Variants in MAST2 observed in about 807,000 individuals in gnomAD.
MAST2 encodes the protein microtubule-associated serine/threonine-protein kinase 2.
In MAST2, 70 loss-of-function variants were observed where a neutral mutation model predicts 147.4. The observed-to-expected ratio is 0.47, with a 90% CI of 0.39 to 0.58. The LOEUF (loss-of-function observed/expected upper bound fraction) is 0.58. Ranked by LOEUF, MAST2 falls within the 20% of genes least tolerant of loss-of-function variation. MAST2 has a pLI of 0.00. For missense variants in MAST2, 2,080 were observed against 2,302.3 expected (o/e 0.90, Z 1.98); for synonymous variants, 869 against 896.8 (o/e 0.97, Z 0.55).
At chr1:45,917,414 C>A in intron 4 of MAST2, 2 of 1,366,596 alleles carry the variant, frequency 1.5e-6, no homozygotes, top group Non-Finnish European at 2.0e-6. Context: ...CCCTCTTCCT[C>A]ACTAAAGTCC....
intron 7 of MAST2, 60 bp from the exon 8 acceptor site, chr1:46,006,181 C>T (rs1645478634): frequency 6.7e-7 from 1 of 1,492,710 alleles, no homozygotes; most frequent in East Asian, 2.3e-5. Flanking sequence ...AGTCCTTCCC[C>T]ATTCTTGGAC....
intron 1 of MAST2, among the ~76,000 whole-genome samples, chr1:45,822,679 C>T (rs1006914845): frequency 2.0e-5 from 3 of 151,774 alleles, no homozygotes; most frequent in Admixed American, 6.6e-5. Flanking sequence ...AGGATATCCA[C>T]TTTAGCTTGA....
chr1:45,961,478 A>G (rs1254628095), intron 5 of MAST2, among the ~76,000 whole-genome samples: 2 of 152,224 alleles, frequency 1.3e-5, no homozygotes, highest in African/African-American at 4.8e-5. Flanking sequence ...ATTTAGAACT[A>G]AATCTTCCTA....
chr1:45,939,979 G>GTTTTTTTTTT (rs148351945), intron 4 of MAST2, among the ~76,000 whole-genome samples: 1 of 28,650 alleles, frequency 3.5e-5, no homozygotes, highest in Non-Finnish European at 5.7e-5. Context: ...ATTTATTTAG[G>GTTTTTTTTTT]GTTTTTTTTT....
Position 45,933,063 on chromosome 1 carries a change from TAAAAAA to T in MAST2, c.501-26303_501-26298del, listed in dbSNP as rs61544126. Among the ~76,000 whole-genome samples the T allele has an allele frequency of 4.7e-3, 417 of 88,262 alleles. 1 individual carries two copies. The highest frequency in any genetic ancestry group is 0.018 in the African/African-American group (397 of 21,958). The allele number at this position is 88,262 out of a possible 152,430, so 57.9% of individuals were successfully genotyped here. ...GCAACTTAGTGAGACCCCATTTCTTTAAAAAAAAAAAAAAAAAAAAAAAAAGGCCAA... is the reference window on the plus strand; with the variant it reads ...GCAACTTAGTGAGACCCCATTTCTTTAAAAAAAAAAAAAAAAAAAGGCCAA... On this transcript the variant is annotated intron_variant, in intron 4 of 28. Coordinates refer to ENST00000361297, the MANE Select transcript of MAST2 (RefSeq NM_015112.3).
At chr1:45,990,585 A>C (rs1169945695) in intron 5 of MAST2, among the ~76,000 whole-genome samples, 1 of 152,050 alleles carries the variant, frequency 6.6e-6, no homozygotes, top group Admixed American at 6.6e-5. Context: ...CCCAAGCTCA[A>C]ATGATCCTCC....
chr1:45,883,912 G>GCCCCCCCCCCC (rs369757720), intron 4 of MAST2, among the ~76,000 whole-genome samples: 2 of 2,504 alleles, frequency 8.0e-4, no homozygotes, highest in East Asian at 0.01. Flanking sequence ...TACTATTTCT[G>GCCCCCCCCCCC]CCCCCCCCGC....
chr1:45,992,697 A>C (rs1644898355), intron 5 of MAST2, among the ~76,000 whole-genome samples: 1 of 152,130 alleles, frequency 6.6e-6, no homozygotes, highest in Admixed American at 6.5e-5. Context: ...CTATTGACTC[A>C]GTTTCTTTAA....
chr1:45,842,947 A>G (rs1025835528), intron 3 of MAST2, among the ~76,000 whole-genome samples: 1 of 152,200 alleles, frequency 6.6e-6, no homozygotes, highest in African/African-American at 2.4e-5. Flanking sequence ...AACTTGTTAT[A>G]TTCCATTTAA....
intron 3 of MAST2, among the ~76,000 whole-genome samples, chr1:45,859,728 T>G (rs542195156): frequency 1.3e-5 from 2 of 152,234 alleles, no homozygotes; most frequent in Admixed American, 6.5e-5. Context: ...GTTGAGGAAA[T>G]GTTTAGATGC....
intron 3 of MAST2, among the ~76,000 whole-genome samples, chr1:45,869,723 C>T (rs1236158779): frequency 6.6e-6 from 1 of 152,118 alleles, no homozygotes; most frequent in African/African-American, 2.4e-5. Flanking sequence ...CTTACTGTTA[C>T]AAAAAATAAC....
At chr1:45,889,087 C>G (rs1281243865) in intron 4 of MAST2, among the ~76,000 whole-genome samples, 22 of 152,164 alleles carry the variant, frequency 1.4e-4, no homozygotes, top group Non-Finnish European at 1.5e-4. Context: ...CTTTATCTGG[C>G]ATTGCTCACC....
At chr1:45,985,131 C>A (rs769513138) in intron 5 of MAST2, among the ~76,000 whole-genome samples, 1 of 152,248 alleles carries the variant, frequency 6.6e-6, no homozygotes, top group African/African-American at 2.4e-5. Context: ...GATCTCAGCT[C>A]ATTGCAACCT....
intron 3 of MAST2, among the ~76,000 whole-genome samples, chr1:45,855,593 A>G (rs747701314): frequency 2.0e-5 from 3 of 152,154 alleles, no homozygotes; most frequent in South Asian, 2.1e-4. Context: ...AAGAAATGAG[A>G]TGAAACTTTT....
intron 4 of MAST2, chr1:45,917,381 G>A (rs1652714337): frequency 7.3e-7 from 1 of 1,366,518 alleles, no homozygotes; most frequent in Non-Finnish European, 9.8e-7. Context: ...ACCAGCACAT[G>A]TTTTCACCCA....
intron 5 of MAST2, among the ~76,000 whole-genome samples, chr1:45,981,488 T>G (rs1274292520): frequency 6.6e-6 from 1 of 152,214 alleles, no homozygotes; most frequent in East Asian, 1.9e-4. Flanking sequence ...GTTAGGAATC[T>G]TGTGGCCTCT....
chr1:45,839,033 G>T (rs1025634397), intron 3 of MAST2, among the ~76,000 whole-genome samples: 8 of 152,032 alleles, frequency 5.3e-5, no homozygotes, highest in African/African-American at 1.9e-4. Context: ...GAGTATAGGG[G>T]TGTGATCTTG....
In MAST2 at chr1:45,997,613, G is replaced by A. The variant is rs545497432; in HGVS notation, c.593-111G>A. ...CTCATTAAACTGATAGTGGCCCTGA[G>A]AAAATAACCATATAATTGCCAGTGC... On this transcript the variant is annotated intron_variant, in intron 5 of 28. Coordinates refer to ENST00000361297, the MANE Select transcript of MAST2 (RefSeq NM_015112.3). 4.2e-5 allele frequency: 33 copies of A among 786,066 alleles called. No homozygotes were observed. In the East Asian group the frequency reaches 5.7e-4, roughly 13 times the overall value. The allele number at this position is 786,066 out of a possible 1,614,324, so 48.7% of individuals were successfully genotyped here.
chr1:46,034,904 C>A lies in MAST2; in HGVS notation c.4235C>A (p.Ala1412Glu), dbSNP rs761046796. 1.7e-5 allele frequency: 28 copies of A among 1,614,100 alleles called. No homozygotes were observed. Among genetic ancestry groups the A allele is most frequent in the Non-Finnish European group, 5.9e-6 (7 of 1,180,056 alleles). ...LKRVQSAEKL[A>E]AALAASEKKL... ...AGGGTGCAGTCGGCTGAGAAACTGGCAGCAGCACTTGCCGCCTCTGAGAAG... is the reference window on the plus strand; with the variant it reads ...AGGGTGCAGTCGGCTGAGAAACTGGAAGCAGCACTTGCCGCCTCTGAGAAG... Residue 1412 changes from alanine to glutamate, a missense_variant, in exon 29 of 29, where the codon GCA becomes GAA. By Grantham distance (107) the Ala-to-Glu change is moderately radical (BLOSUM62 -1). Around this residue, in one of 4 missense-constraint regions of MAST2, gnomAD observed 1,278 missense variants for 1,304.2 expected, o/e 0.98. Transcript: ENST00000361297.
Sources: allele counts gnomAD v4.1 joint callset (sites outside exome capture counted in the v4.1 genomes callset), GRCh38; gene constraint gnomAD v4.1.1; regional missense constraint gnomAD v4.1.1; transcripts MANE v1.5; gene names NCBI Gene and HGNC (gene_info 2026-07-23, HGNC 2026-07-21).